Variants in PALM2AKAP2 observed in about 807,000 individuals in gnomAD.
PALM2AKAP2 encodes the protein PALM2-AKAP2 fusion protein.
In PALM2AKAP2, 37 loss-of-function variants were observed where a neutral mutation model predicts 71.5. The ratio of observed to expected loss-of-function variants is 0.52; its 90% CI spans 0.40 to 0.68. The LOEUF is 0.68. PALM2AKAP2 is among the 30% of genes least tolerant of loss of function. The pLI is 0.00. For synonymous variants in PALM2AKAP2, 468 were observed against 478.8 expected (o/e 0.98, Z 0.29); for missense variants, 1,224 against 1,191.8 (o/e 1.03, Z -0.40).
At chr9:110,048,417 CCT>C (rs1165995168), upstream of PALM2AKAP2, among the ~76,000 whole-genome samples, 15 of 152,178 alleles carry the variant, frequency 9.9e-5, no homozygotes, top group African/African-American at 2.9e-4. Flanking sequence ...ACAGCGCTCC[CCT>C]GAGTTAGGAA....
At chr9:109,847,354 G>T (rs1048307640) in intron 1 of PALM2AKAP2, among the ~76,000 whole-genome samples, 1 of 152,192 alleles carries the variant, frequency 6.6e-6, no homozygotes, top group Non-Finnish European at 1.5e-5. Context: ...AAGAGGCAAA[G>T]GATGAATTGT....
intron 1 of PALM2AKAP2, among the ~76,000 whole-genome samples, chr9:110,061,342 C>A (rs1479199596): frequency 2.6e-5 from 4 of 152,032 alleles, no homozygotes; most frequent in African/African-American, 9.7e-5. Context: ...AAACCTTGAA[C>A]CTTTAACATG....
At chr9:109,969,088 GCACACA>G (rs34057385) in intron 6 of PALM2AKAP2, among the ~76,000 whole-genome samples, 5,273 of 149,694 alleles carry the variant, frequency 0.035, 190 homozygotes, top group East Asian at 0.16. Context: ...AAATGTGCGT[GCACACA>G]CACACACACA....
At chr9:110,038,453 G>A (rs1833452104) in intron 7 of PALM2AKAP2, among the ~76,000 whole-genome samples, 1 of 152,132 alleles carries the variant, frequency 6.6e-6, no homozygotes, top group African/African-American at 2.4e-5. Context: ...ACTGACTGAT[G>A]GCCTGTGTTA....
At chr9:110,021,405 A>G (rs1469179173) in intron 7 of PALM2AKAP2, among the ~76,000 whole-genome samples, 2 of 152,116 alleles carry the variant, frequency 1.3e-5, no homozygotes, top group Non-Finnish European at 2.9e-5. Flanking sequence ...GAGAAAATAA[A>G]TTTCCGTTGT....
At chr9:109,788,270 C>CTAA (rs1433213396) in intron 1 of PALM2AKAP2, among the ~76,000 whole-genome samples, 1 of 152,206 alleles carries the variant, frequency 6.6e-6, no homozygotes, top group Non-Finnish European at 1.5e-5. Context: ...AAGCCCAAGC[C>CTAA]TAACTCATGT....
intron 4 of PALM2AKAP2, among the ~76,000 whole-genome samples, chr9:109,924,551 GAT>G (rs1200322432): frequency 1.3e-5 from 2 of 152,190 alleles, no homozygotes. Context: ...AGTGAGCTGA[GAT>G]TACGCCACTG....
chr9:109,792,065 G>A (rs1827124691), intron 1 of PALM2AKAP2, among the ~76,000 whole-genome samples: 1 of 152,110 alleles, frequency 6.6e-6, no homozygotes, highest in Non-Finnish European at 1.5e-5. Flanking sequence ...CTGGGGGGTT[G>A]GTACAGTATA....
Position 109,925,050 on chromosome 9 carries a change from T to C in PALM2AKAP2, c.373-11T>C. ...GTAGAGTAACGCTCTGCCTTGTTTT[T>C]GTTCCTACAGGGTTTCTCCAGTACG... On this transcript the variant is annotated splice_polypyrimidine_tract_variant and intron_variant, in intron 4 of 9. Coordinates refer to the PALM2AKAP2 transcript ENST00000302798. 1 of 1,614,180 alleles carries C rather than the reference T, an allele frequency of 6.2e-7. No individual in the cohort carries two copies. Among genetic ancestry groups the C allele is most frequent in the Non-Finnish European group, 8.5e-7 (1 of 1,180,008 alleles).
At chr9:109,754,747 G>A (rs1480533160) in intron 1 of PALM2AKAP2, among the ~76,000 whole-genome samples, 1 of 152,082 alleles carries the variant, frequency 6.6e-6, no homozygotes, top group African/African-American at 2.4e-5. Flanking sequence ...GCTCTCTTGT[G>A]TCTCTTCTTA....
In PALM2AKAP2 at chr9:109,772,947, T is replaced by A. The variant is rs1190452548; in HGVS notation, c.6-7541T>A. Among the ~76,000 whole-genome samples, 4 of 152,190 alleles carry A rather than the reference T, an allele frequency of 2.6e-5. No individual in the cohort carries two copies. The East Asian group carries it at 7.8e-4, about 29-fold the overall frequency. On this transcript the variant is annotated intron_variant, in intron 1 of 6. Coordinates refer to the PALM2AKAP2 transcript ENST00000374531. ...TCCTGGCTAACACGGTGAAACCCCA[T>A]CTCTACTAAAAAGACAAAAAATTAG...
At chr9:109,990,249 G>A (rs207470486) in intron 6 of PALM2AKAP2, among the ~76,000 whole-genome samples, 1 of 151,870 alleles carries the variant, frequency 6.6e-6, no homozygotes, top group Admixed American at 6.6e-5. Flanking sequence ...GGTAGAGACG[G>A]GGTTCCAGCC....
chr9:110,136,707 C>G, exon 2 of PALM2AKAP2: 1 of 1,614,210 alleles, frequency 6.2e-7, no homozygotes, highest in Non-Finnish European at 8.5e-7. Context: ...AGCTCCACAA[C>G]CAGCTCACGG....
intron 1 of PALM2AKAP2, among the ~76,000 whole-genome samples, chr9:109,838,344 A>C (rs1235123039): frequency 1.3e-5 from 2 of 152,262 alleles, no homozygotes; most frequent in African/African-American, 4.8e-5. Context: ...ACAAAGACAC[A>C]ACATACCAGA....
At chr9:110,048,730 C>T (rs776677907) in exon 1 of PALM2AKAP2, 6 of 1,546,362 alleles carry the variant, frequency 3.9e-6, no homozygotes, top group East Asian at 4.9e-5. Flanking sequence ...GGCTGCCGCT[C>T]GCCTTCCCCC....
intron 1 of PALM2AKAP2, among the ~76,000 whole-genome samples, chr9:109,644,837 C>A (rs950580292): frequency 2.0e-5 from 3 of 152,202 alleles, no homozygotes; most frequent in African/African-American, 7.2e-5. Context: ...CAGTTCCCAA[C>A]AAAATTTTCA....
At chr9:109,694,462 T>C (rs1827939757) in intron 1 of PALM2AKAP2, among the ~76,000 whole-genome samples, 1 of 152,074 alleles carries the variant, frequency 6.6e-6, no homozygotes, top group Non-Finnish European at 1.5e-5. Context: ...TAAAATGATC[T>C]CATTTACATT....
chr9:109,734,470 A>G lies in PALM2AKAP2; in HGVS notation c.6-46018A>G, dbSNP rs974220708. Reference sequence around the variant, plus strand: ...TAAAATTCAGTCCTTTATTTGTCACATTTCAGGTGCTCAAAACAGCCACAT... The same window carrying G: ...TAAAATTCAGTCCTTTATTTGTCACGTTTCAGGTGCTCAAAACAGCCACAT... On this transcript the variant is annotated intron_variant, in intron 1 of 6. Coordinates refer to the PALM2AKAP2 transcript ENST00000374531. 2.0e-5 allele frequency among the ~76,000 whole-genome samples: 3 copies of G among 152,324 alleles called. No homozygotes were observed. The South Asian group carries it at 6.2e-4, about 32-fold the overall frequency.
At chr9:110,035,207 G>A (rs1314365995) in intron 7 of PALM2AKAP2, among the ~76,000 whole-genome samples, 1 of 142,746 alleles carries the variant, frequency 7.0e-6, no homozygotes, top group East Asian at 2.0e-4. Context: ...GTGTGTGTGT[G>A]TGTATATATA....
Sources: gnomAD v4.1 joint callset for allele counts (sites outside exome capture counted in the v4.1 genomes callset) on GRCh38, gnomAD v4.1.1 for gene constraint, MANE v1.5 for transcripts, NCBI Gene and HGNC (gene_info 2026-07-23, HGNC 2026-07-21) for gene names.